CLDN18: variants seen among roughly 807,000 people sequenced by gnomAD.
CLDN18 encodes the protein claudin 18.
Under a neutral mutation model 25.0 loss-of-function variants are expected in CLDN18, and 20 were observed. The ratio of observed to expected loss-of-function variants is 0.80; its 90% CI spans 0.56 to 1.16. CLDN18 has a LOEUF of 1.16. Ranked by LOEUF, CLDN18 falls within the 50% of genes most tolerant of loss-of-function variation. The pLI is 0.00. For missense variants in CLDN18, 297 were observed against 345.4 expected (o/e 0.86, Z 1.11); for synonymous variants, 125 against 135.6 (o/e 0.92, Z 0.54).
At chr3:138,005,686 G>C (rs1227301500), upstream of CLDN18, among the ~76,000 whole-genome samples, 1 of 152,160 alleles carries the variant, frequency 6.6e-6, no homozygotes, top group African/African-American at 2.4e-5. Flanking sequence ...GATGTAAAGA[G>C]ATAAGAACTT....
rs1942303560 is a variant in CLDN18, at chr3:138,024,589, C to A, written c.386-18C>A. 6.6e-7 allele frequency: 1 copy of A among 1,519,110 alleles called. No individual in the cohort carries two copies. The highest frequency in any genetic ancestry group is 9.1e-7 in the Non-Finnish European group (1 of 1,094,124). 94.1% of individuals were successfully genotyped at this position (1,519,110 alleles called of 1,614,324 possible). ...CCCTTGAAACTAACTCTGGAGTTTT[C>A]TTTTTCTTTGCCCACAGGTCTTTGT... On this transcript the variant is annotated intron_variant, in intron 2 of 4. Coordinates refer to ENST00000183605, the MANE Select transcript of CLDN18 (RefSeq NM_016369.4).
chr3:138,020,648 G>A (rs1942259259), intron 1 of CLDN18, among the ~76,000 whole-genome samples: 1 of 152,250 alleles, frequency 6.6e-6, no homozygotes. Context: ...GGTGACTGGA[G>A]AGAGTTCTCT....
intron 3 of CLDN18, among the ~76,000 whole-genome samples, chr3:138,028,082 T>C (rs1329942071): frequency 6.6e-6 from 1 of 151,896 alleles, no homozygotes; most frequent in East Asian, 1.9e-4. Flanking sequence ...TTTTTTTTCT[T>C]GAGACGAAGT....
Position 138,032,469 on chromosome 3 carries a change from T to G in CLDN18, c.*1328T>G, listed in dbSNP as rs1942408691. The G allele has an allele frequency of 6.6e-6, 1 of 150,516 alleles. No individual in the cohort carries two copies. The highest frequency in any genetic ancestry group is 1.5e-5 in the Non-Finnish European group (1 of 67,684). The allele number at this position is 150,516 out of a possible 1,614,324, so 9.3% of individuals were successfully genotyped here. A position where few individuals can be genotyped will look rare whatever the true frequency, so the allele number is the denominator to read the frequency against. On this transcript the variant is annotated 3_prime_UTR_variant, in exon 5 of 5. Transcript: ENST00000183605. Reference sequence around the variant, plus strand: ...ATGGAACACAGCAAGTCCTAGGAAGTAGGTTAAAACTAATTCTTTAAAAAA... The same window carrying G: ...ATGGAACACAGCAAGTCCTAGGAAGGAGGTTAAAACTAATTCTTTAAAAAA...
chr3:138,003,443 T>C (rs999465576), intron 1 of CLDN18, among the ~76,000 whole-genome samples: 1 of 152,176 alleles, frequency 6.6e-6, no homozygotes, highest in African/African-American at 2.4e-5. Flanking sequence ...GACCATCATC[T>C]TGGAAAATCA....
chr3:138,023,795 A>G lies in CLDN18; in HGVS notation c.358A>G (p.Thr120Ala). The change falls in exon 2 of 5, where the codon ACC becomes GCC. Residue 120 changes from threonine to alanine, a missense_variant. By Grantham distance (58) the Thr-to-Ala change is moderately conservative. Transcript: ENST00000183605. ...CTCTGCCAAAGCCAACATGACACTG[A>G]CCTCCGGGATCATGTTCATTGTCTC... Reference protein sequence around the residue: ...EDSAKANMTLTSGIMFIVSGL... With the variant: ...EDSAKANMTLASGIMFIVSGL... 6.2e-7 allele frequency: 1 copy of G among 1,613,472 alleles called. No homozygotes were observed. Among genetic ancestry groups the G allele is most frequent in the Non-Finnish European group, 8.5e-7 (1 of 1,179,624 alleles).
chr3:137,999,206 T>G, intron 1 of CLDN18: 1 of 885,002 alleles, frequency 1.1e-6, no homozygotes, highest in South Asian at 1.5e-5. Flanking sequence ...CGATTCGTGT[T>G]TGACAGGGGC....
upstream of CLDN18, among the ~76,000 whole-genome samples, chr3:138,008,518 G>A (rs960023520): frequency 1.1e-4 from 17 of 152,056 alleles, no homozygotes; most frequent in African/African-American, 2.7e-4. Flanking sequence ...CAGGAGAATC[G>A]CTTGAACCCA....
chr3:138,013,905 C>T (rs1230416431), intron 1 of CLDN18, among the ~76,000 whole-genome samples: 1 of 151,274 alleles, frequency 6.6e-6, no homozygotes, highest in African/African-American at 2.4e-5. Flanking sequence ...GGCCTGGAAT[C>T]AGGAAAGAGG....
chr3:138,028,316 CG>C (rs939645988), intron 3 of CLDN18, among the ~76,000 whole-genome samples: 15 of 152,198 alleles, frequency 9.9e-5, no homozygotes, highest in African/African-American at 3.6e-4. Flanking sequence ...CTGCCTGCCT[CG>C]GCCTCCCAAA....
intron 2 of CLDN18, 142 bp downstream of exon 2, chr3:138,023,964 A>G (rs887999939): frequency 2.4e-6 from 2 of 820,128 alleles, no homozygotes; most frequent in Non-Finnish European, 1.9e-6. Context: ...TGGAGGTCCA[A>G]TTGTGTATCA....
rs908369536 is a variant in CLDN18 at position 138,001,857 on chromosome 3, A to G, written c.220+2769A>G. On this transcript the variant is annotated intron_variant, in intron 1 of 4. Coordinates refer to the CLDN18 transcript ENST00000343735. ...CAATAGACTTCAATTCCTTATGCAT[A>G]TGTCTTATACAAGTACAAAAACCAC... Among the ~76,000 whole-genome samples, 5 of 152,310 alleles carry G rather than the reference A, an allele frequency of 3.3e-5. No homozygotes were observed. The South Asian group carries it at 8.3e-4, about 25-fold the overall frequency.
chr3:138,029,060 G>A (rs1178521975), intron 3 of CLDN18, among the ~76,000 whole-genome samples: 3 of 152,208 alleles, frequency 2.0e-5, no homozygotes, highest in African/African-American at 4.8e-5. Context: ...ATGGAGGGTT[G>A]TAAGGATTAT....
At chr3:138,006,527 C>T (rs1168136566), upstream of CLDN18, among the ~76,000 whole-genome samples, 2 of 152,146 alleles carry the variant, frequency 1.3e-5, no homozygotes, top group Non-Finnish European at 2.9e-5. Context: ...AGTTTACCAA[C>T]CCCATTATTG....
rs1446421246 is a variant in CLDN18, at chr3:138,024,698, T to TGTTGGAGTACACC, written c.478_479insTTGGAGTACACCG (p.Gly160ValfsTer110). ...CAGCTAACATGTACACCGGCATGGGTGGGATGGTGCAGACTGTTCAGACCA... is the reference window on the plus strand; with the variant it reads ...CAGCTAACATGTACACCGGCATGGGTGTTGGAGTACACCGGGATGGTGCAGACTGTTCAGACCA... On this transcript the variant is annotated frameshift_variant, in exon 3 of 5. Coordinates refer to ENST00000183605, the MANE Select transcript of CLDN18 (RefSeq NM_016369.4). LOFTEE classifies it high-confidence loss of function. The TGTTGGAGTACACC allele has an allele frequency of 6.2e-7, 1 of 1,611,030 alleles. No homozygotes were observed. Among genetic ancestry groups the TGTTGGAGTACACC allele is most frequent in the Admixed American group, 1.7e-5 (1 of 60,008 alleles).
In CLDN18 at chr3:138,032,271, A is replaced by G. The variant is rs1039160384; in HGVS notation, c.*1130A>G. ...CCTGTCTCTACAAAATACAGAGAGA[A>G]AAAATCAGCCAGTCATGGTGGCCTA... On this transcript the variant is annotated 3_prime_UTR_variant, in exon 5 of 5. Transcript: ENST00000183605. 1 of 152,144 alleles carries G rather than the reference A, an allele frequency of 6.6e-6. No individual in the cohort carries two copies. 9.4% of individuals were successfully genotyped at this position (152,144 alleles called of 1,614,324 possible).
At chr3:138,024,168 A>T (rs1037028817) in intron 2 of CLDN18, among the ~76,000 whole-genome samples, 4 of 140,548 alleles carry the variant, frequency 2.8e-5, no homozygotes, top group Non-Finnish European at 4.6e-5. Context: ...TTTTTTTATT[A>T]AAAAAAAAAA....
At chr3:138,027,175 T>C (rs1300095131) in intron 3 of CLDN18, among the ~76,000 whole-genome samples, 1 of 152,196 alleles carries the variant, frequency 6.6e-6, no homozygotes, top group East Asian at 1.9e-4. Context: ...TGGGCCCTCA[T>C]TCTCATATGA....
chr3:137,999,866 G>A (rs1005985962), intron 1 of CLDN18, among the ~76,000 whole-genome samples: 1 of 152,220 alleles, frequency 6.6e-6, no homozygotes, highest in Non-Finnish European at 1.5e-5. Context: ...CAAGAGTAGA[G>A]AATGTTAAAA....
Sources: allele counts gnomAD v4.1 joint callset (sites outside exome capture counted in the v4.1 genomes callset), GRCh38; gene constraint gnomAD v4.1.1; transcripts MANE v1.5; gene names NCBI Gene and HGNC (gene_info 2026-07-23, HGNC 2026-07-21).